Variants in GPHN observed in about 807,000 individuals in gnomAD.
GPHN encodes gephyrin.
Under a neutral mutation model 95.5 loss-of-function variants are expected in GPHN, and 17 were observed. The observed-to-expected ratio is 0.18, with a 90% CI of 0.12 to 0.27. GPHN has a LOEUF of 0.27. GPHN is among the 10% of genes least tolerant of loss of function. The probability of loss-of-function intolerance (pLI) is 1.00; values close to 1 mark genes in which losing one functional copy is unlikely to be tolerated. For synonymous variants in GPHN, 320 were observed against 322.5 expected (o/e 0.99, Z 0.08); for missense variants, 660 against 978.1 (o/e 0.67, Z 4.34).
chr14:67,395,403 G>A, the GPHN span: 1 of 1,613,434 alleles, frequency 6.2e-7, no homozygotes, highest in South Asian at 1.1e-5. Flanking sequence ...GGCACTCACT[G>A]CAGGCTGATG....
At chr14:67,095,072 T>C (rs2077299312) in intron 12 of GPHN, among the ~76,000 whole-genome samples, 1 of 152,174 alleles carries the variant, frequency 6.6e-6, no homozygotes, top group African/African-American at 2.4e-5. Flanking sequence ...TATATCCCCA[T>C]TGTTAAGTGA....
At chr14:67,436,184 A>G in the GPHN span, among the ~76,000 whole-genome samples, 1 of 152,180 alleles carries the variant, frequency 6.6e-6, no homozygotes, top group Non-Finnish European at 1.5e-5. Context: ...GTCACAGGAT[A>G]CTACTGTCCA....
At chr14:67,037,336 A>G (rs988258467) in intron 10 of GPHN, among the ~76,000 whole-genome samples, 1 of 152,042 alleles carries the variant, frequency 6.6e-6, no homozygotes. Context: ...ACCTGAAACT[A>G]TGAAACTCAC....
the GPHN span, among the ~76,000 whole-genome samples, chr14:67,249,474 A>G: frequency 3.9e-5 from 6 of 152,248 alleles, no homozygotes; most frequent in African/African-American, 1.2e-4. Flanking sequence ...CACATAGCAG[A>G]TACTTAATAA....
chr14:67,257,030 T>C, the GPHN span, among the ~76,000 whole-genome samples: 1 of 151,840 alleles, frequency 6.6e-6, no homozygotes, highest in South Asian at 2.1e-4. Flanking sequence ...TTAAATACGT[T>C]TTAGGGAGAC....
intron 8 of GPHN, among the ~76,000 whole-genome samples, chr14:66,958,972 C>G (rs1348977135): frequency 6.6e-6 from 1 of 151,998 alleles, no homozygotes; most frequent in Non-Finnish European, 1.5e-5. Flanking sequence ...CTCCTTGCTA[C>G]TTTTACTAAC....
chr14:67,190,425 T>TG, the GPHN span, among the ~76,000 whole-genome samples: 11,059 of 144,278 alleles, frequency 0.077, 403 homozygotes, highest in Middle Eastern at 0.11. Context: ...GGTTTCGCCA[T>TG]TTGGCCAGGC....
chr14:67,393,154 G>A, the GPHN span: 4 of 1,609,902 alleles, frequency 2.5e-6, no homozygotes, highest in African/African-American at 4.0e-5. Flanking sequence ...GCTCACCGAG[G>A]AAGGTCTTTT....
chr14:67,392,474 G>A, the GPHN span: 2 of 1,441,810 alleles, frequency 1.4e-6, no homozygotes, highest in Non-Finnish European at 2.0e-6. Context: ...AAAGACCCAG[G>A]CCCAGGCTAT....
At chr14:67,529,330 T>C in the GPHN span, among the ~76,000 whole-genome samples, 4,519 of 152,206 alleles carry the variant, frequency 0.03, 219 homozygotes, top group African/African-American at 0.1. Flanking sequence ...GTCCCCTGGG[T>C]GGAAGAGCCA....
At chr14:67,169,947 G>A (rs1368986063) in intron 21 of GPHN, among the ~76,000 whole-genome samples, 1 of 152,132 alleles carries the variant, frequency 6.6e-6, no homozygotes, top group Admixed American at 6.5e-5. Flanking sequence ...GCGTGGTAGT[G>A]GGTGCCTGTA....
intron 9 of GPHN, among the ~76,000 whole-genome samples, chr14:66,968,768 T>G (rs1009342914): frequency 6.6e-5 from 10 of 152,144 alleles, no homozygotes; most frequent in African/African-American, 2.4e-4. Context: ...GGTAGTAGAA[T>G]AGCAACAGTG....
At chr14:67,390,667 G>A in the GPHN span, 1 of 1,608,832 alleles carries the variant, frequency 6.2e-7, no homozygotes, top group Admixed American at 1.7e-5. Context: ...ACTCACTTTG[G>A]AAGGGTCATA....
the GPHN span, among the ~76,000 whole-genome samples, chr14:67,491,865 C>T: frequency 6.6e-6 from 1 of 152,182 alleles, no homozygotes; most frequent in Non-Finnish European, 1.5e-5. Flanking sequence ...TGTCCAGCTC[C>T]CCCAGGAAGC....
the GPHN span, among the ~76,000 whole-genome samples, chr14:67,528,472 A>G: frequency 3.3e-5 from 5 of 152,100 alleles, no homozygotes; most frequent in East Asian, 7.7e-4. Context: ...CCCTCCCCCA[A>G]TTGATGTGAG....
At chr14:66,829,530 C>A (rs1421130007) in intron 4 of GPHN, among the ~76,000 whole-genome samples, 1 of 151,968 alleles carries the variant, frequency 6.6e-6, no homozygotes, top group African/African-American at 2.4e-5. Flanking sequence ...TACTTCAAAG[C>A]AATGTATGTC....
chr14:67,323,099 GTT>G, the GPHN span, among the ~76,000 whole-genome samples: 52 of 151,992 alleles, frequency 3.4e-4, no homozygotes, highest in East Asian at 9.8e-3. Context: ...AAAACTAGGT[GTT>G]TTAATATCAC....
At chr14:67,142,942 T>A (rs953355777) in intron 17 of GPHN, 14 of 240,606 alleles carry the variant, frequency 5.8e-5, no homozygotes, top group Non-Finnish European at 9.0e-5. Context: ...ACCTAAGACA[T>A]TCTCTCTAAA....
the GPHN span, chr14:67,542,027 C>T: frequency 6.4e-7 from 1 of 1,562,658 alleles, no homozygotes; most frequent in Non-Finnish European, 8.7e-7. Flanking sequence ...TGCCTCTCCA[C>T]ACGCAGAGGT....
Sources: gnomAD v4.1 joint callset for allele counts (sites outside exome capture counted in the v4.1 genomes callset) on GRCh38, gnomAD v4.1.1 for gene constraint, MANE v1.5 for transcripts, NCBI Gene and HGNC (gene_info 2026-07-23, HGNC 2026-07-21) for gene names.